PCBD2: variants seen among roughly 807,000 people sequenced by gnomAD.
PCBD2 encodes pterin-4-alpha-carbinolamine dehydratase 2.
PCBD2 carries 12 observed loss-of-function variants against 16.4 expected under a neutral mutation model. That is an observed-to-expected ratio of 0.73 (90% CI 0.47 to 1.19). The LOEUF is 1.19. Among genes scored for constraint, PCBD2 ranks in the 50% most tolerant of loss-of-function variants. The probability of loss-of-function intolerance (pLI) is 0.00; values close to 1 mark genes in which losing one functional copy is unlikely to be tolerated. For missense variants in PCBD2, 138 were observed against 156.8 expected, an observed-to-expected ratio of 0.88 and a Z score of 0.64; for synonymous variants, 58 against 61.8, an observed-to-expected ratio of 0.94 and a Z score of 0.29.
At chr5:134,916,262 G>A in intron 2 of PCBD2, among the ~76,000 whole-genome samples, 1 of 152,232 alleles carries the variant, frequency 6.6e-6, no homozygotes, top group South Asian at 2.1e-4. Context: ...CACACTCCAG[G>A]CTGAGCGAAA....
Position 134,961,128 on chromosome 5 carries a change from T to C in PCBD2, c.*447T>C, listed in dbSNP as rs1170945675. ...AAAAAAGAAAAATAACAATTTAAGT[T>C]GTGTAAATTGTTTGCCTTTATATAT... On this transcript the variant is annotated 3_prime_UTR_variant, in exon 4 of 4. Transcript: ENST00000254908. 1 of 153,834 alleles carries C rather than the reference T, an allele frequency of 6.5e-6. No individual in the cohort carries two copies. The highest frequency in any genetic ancestry group is 1.9e-4 in the East Asian group (1 of 5,218). 9.5% of individuals were successfully genotyped at this position (153,834 alleles called of 1,614,324 possible). A position where few individuals can be genotyped will look rare whatever the true frequency, so the allele number is the denominator to read the frequency against.
chr5:134,910,808 T>A (rs966779589), intron 2 of PCBD2, among the ~76,000 whole-genome samples: 1 of 152,180 alleles, frequency 6.6e-6, no homozygotes. Context: ...TATTATTTTT[T>A]GAGACAGGGT....
rs576477888 is a variant in PCBD2, at chr5:134,936,198, C to T, written c.217-22842C>T. ...TGTGTACTTAGGATCAGTTGAGCCC[C>T]GTGGGTAACTTGGGTGCCCTGTTTG... On this transcript the variant is annotated intron_variant, in intron 2 of 3. Coordinates refer to ENST00000254908, the MANE Select transcript of PCBD2 (RefSeq NM_032151.5). 9.9e-5 allele frequency among the ~76,000 whole-genome samples: 15 copies of T among 152,268 alleles called. No homozygotes were observed. The East Asian group carries it at 2.1e-3, about 22-fold the overall frequency.
chr5:134,913,630 T>TA (rs2149530598), intron 2 of PCBD2, among the ~76,000 whole-genome samples: 1 of 152,222 alleles, frequency 6.6e-6, no homozygotes, highest in East Asian at 1.9e-4. Context: ...GGCTGTGTTC[T>TA]AAAAAATCAC....
At chr5:134,935,627 A>T (rs1191809774) in intron 2 of PCBD2, among the ~76,000 whole-genome samples, 1 of 152,264 alleles carries the variant, frequency 6.6e-6, no homozygotes, top group Non-Finnish European at 1.5e-5. Flanking sequence ...AAAGAAACTG[A>T]TAACATATTT....
At chr5:134,936,297 C>CA (rs1290846030) in intron 2 of PCBD2, among the ~76,000 whole-genome samples, 1 of 152,130 alleles carries the variant, frequency 6.6e-6, no homozygotes, top group Non-Finnish European at 1.5e-5. Flanking sequence ...TGGCTGTGCC[C>CA]AGCCCCGGCC....
intron 2 of PCBD2, chr5:134,923,965 C>T (rs977693173): frequency 4.1e-5 from 16 of 394,008 alleles, no homozygotes; most frequent in African/African-American, 8.2e-5. Context: ...TTTCATCATG[C>T]GGAGATATTG....
At chr5:134,937,279 A>G (rs1361435755) in intron 2 of PCBD2, among the ~76,000 whole-genome samples, 2 of 152,240 alleles carry the variant, frequency 1.3e-5, no homozygotes, top group Admixed American at 6.5e-5. Context: ...ATGAACAGAT[A>G]TATCCATTTT....
chr5:134,914,647 G>A (rs984036318), intron 2 of PCBD2, among the ~76,000 whole-genome samples: 11 of 152,088 alleles, frequency 7.2e-5, no homozygotes, highest in Middle Eastern at 3.4e-3. Context: ...TGATAGTGAT[G>A]AGCTGAGAGT....
intron 2 of PCBD2, among the ~76,000 whole-genome samples, chr5:134,946,181 G>T (rs1159236914): frequency 6.6e-6 from 1 of 151,678 alleles, no homozygotes; most frequent in Non-Finnish European, 1.5e-5. Context: ...CTTATAGGTT[G>T]GGTAGGCTTA....
At chr5:134,955,162 A>G (rs1192903182) in intron 2 of PCBD2, among the ~76,000 whole-genome samples, 7 of 151,612 alleles carry the variant, frequency 4.6e-5, no homozygotes, top group Admixed American at 1.3e-4. Flanking sequence ...AAATATTACA[A>G]TTTATAGATT....
intron 2 of PCBD2, among the ~76,000 whole-genome samples, chr5:134,942,996 G>C (rs1751247299): frequency 6.6e-6 from 1 of 152,158 alleles, no homozygotes; most frequent in Non-Finnish European, 1.5e-5. Context: ...TGGACATTTA[G>C]AGTCTTTCTC....
chr5:134,916,706 C>G (rs889171208), intron 2 of PCBD2, among the ~76,000 whole-genome samples: 11 of 152,220 alleles, frequency 7.2e-5, no homozygotes, highest in African/African-American at 2.4e-4. Context: ...CAGATGGATA[C>G]AAATACTTGG....
chr5:134,925,876 G>T (rs1750986311), intron 2 of PCBD2: 1 of 393,416 alleles, frequency 2.5e-6, no homozygotes. Context: ...TGGGTCTCAT[G>T]AGTTGGAGTG....
chr5:134,934,534 T>C (rs542034452), intron 2 of PCBD2, among the ~76,000 whole-genome samples: 50 of 152,362 alleles, frequency 3.3e-4, no homozygotes, highest in Non-Finnish European at 6.2e-4. Flanking sequence ...AAACTAGTAT[T>C]ATATTTGTAG....
chr5:134,925,231 GA>G, intron 2 of PCBD2: 1 of 398,548 alleles, frequency 2.5e-6, no homozygotes, highest in Non-Finnish European at 4.4e-6. Context: ...GAGAGTAATA[GA>G]CAGGGCTCAG....
rs191959130 is a variant in PCBD2, at chr5:134,954,385, A to G, written c.217-4655A>G. 2.9e-4 allele frequency among the ~76,000 whole-genome samples: 44 copies of G among 152,272 alleles called. No individual in the cohort carries two copies. The Middle Eastern group carries it at 0.01, about 35-fold the overall frequency. ...GTCCTTTCTCTTTTAAACTCCTTTA[A>G]TAGTTTATAACATTTGCATTCCATT... On this transcript the variant is annotated intron_variant, in intron 2 of 3. Transcript: ENST00000254908.
intron 2 of PCBD2, among the ~76,000 whole-genome samples, chr5:134,952,987 T>C (rs1042725136): frequency 1.3e-5 from 2 of 152,106 alleles, no homozygotes; most frequent in Admixed American, 6.5e-5. Flanking sequence ...TCAGGACTTT[T>C]AATGTTTTGC....
chr5:134,928,789 C>G (rs991146260), intron 2 of PCBD2, among the ~76,000 whole-genome samples: 22 of 152,118 alleles, frequency 1.4e-4, no homozygotes, highest in Admixed American at 1.4e-3. Context: ...AAGCCAAGAT[C>G]GTGCCACTCC....
Sources: allele counts gnomAD v4.1 joint callset (sites outside exome capture counted in the v4.1 genomes callset), GRCh38; gene constraint gnomAD v4.1.1; transcripts MANE v1.5; gene names NCBI Gene and HGNC (gene_info 2026-07-23, HGNC 2026-07-21).